ADAMTSL1: variants seen among roughly 807,000 people sequenced by gnomAD.
The protein encoded by ADAMTSL1 is ADAMTS like 1, also known as ADAMTS-like protein 1.
ADAMTSL1 carries 126 observed loss-of-function variants against 201.8 expected under a neutral mutation model. That is an observed-to-expected ratio of 0.62 (90% CI 0.54 to 0.72). ADAMTSL1 has a LOEUF of 0.72. Ranked by LOEUF, ADAMTSL1 falls within the 30% of genes least tolerant of loss-of-function variation. The pLI, the probability that ADAMTSL1 is intolerant of heterozygous loss-of-function variation, is 0.00. For missense variants in ADAMTSL1, 2,679 were observed against 2,277.8 expected, an observed-to-expected ratio of 1.18 and a Z score of -3.59; for synonymous variants, 1,121 against 903.4, an observed-to-expected ratio of 1.24 and a Z score of -4.32.
At chr9:18,032,841 A>T (rs899392369) in intron 1 of ADAMTSL1, among the ~76,000 whole-genome samples, 1 of 152,140 alleles carries the variant, frequency 6.6e-6, no homozygotes, top group African/African-American at 2.4e-5. Context: ...CATCCCTTCC[A>T]AAGGACCTGT....
At chr9:18,189,535 C>T (rs1828882947) in intron 2 of ADAMTSL1, among the ~76,000 whole-genome samples, 2 of 152,008 alleles carry the variant, frequency 1.3e-5, no homozygotes, top group African/African-American at 4.8e-5. Flanking sequence ...AGATTTAACG[C>T]CCTTTTCCAC....
Position 18,622,372 on chromosome 9 carries a change from A to G in ADAMTSL1, c.601+3A>G. On this transcript the variant is annotated splice_donor_region_variant and intron_variant, in intron 5 of 28. Coordinates refer to ENST00000380548, the MANE Select transcript of ADAMTSL1 (RefSeq NM_001040272.6). ...ATCCCAGCTCTCCGCAACCAAATGT[A>G]AGACACACAGAGATGGGCGACCTTT... 6.2e-7 allele frequency: 1 copy of G among 1,614,026 alleles called. No individual in the cohort carries two copies.
intron 4 of ADAMTSL1, among the ~76,000 whole-genome samples, chr9:18,589,474 G>A (rs764906129): frequency 1.6e-4 from 24 of 152,136 alleles, no homozygotes; most frequent in East Asian, 5.8e-4. Context: ...GAGTTTTGGG[G>A]GAAAATTCTG....
chr9:18,133,966 T>C (rs1294622465), intron 1 of ADAMTSL1, among the ~76,000 whole-genome samples: 2 of 152,128 alleles, frequency 1.3e-5, no homozygotes, highest in Non-Finnish European at 2.9e-5. Flanking sequence ...AAGGGTGGTA[T>C]GTTGGAATGT....
intron 2 of ADAMTSL1, among the ~76,000 whole-genome samples, chr9:18,367,523 C>T (rs1836822500): frequency 6.6e-6 from 1 of 151,832 alleles, no homozygotes; most frequent in Admixed American, 6.6e-5. Context: ...GTTTTTGAAT[C>T]TCTAATACTA....
intron 1 of ADAMTSL1, among the ~76,000 whole-genome samples, chr9:18,480,902 G>T (rs943754984): frequency 4.6e-5 from 7 of 152,116 alleles, no homozygotes; most frequent in Non-Finnish European, 7.4e-5. Context: ...AATGAGGAAA[G>T]AAAACCAAAG....
intron 16 of ADAMTSL1, among the ~76,000 whole-genome samples, chr9:18,754,672 T>C (rs1344797): frequency 0.69 from 104,296 of 152,026 alleles, 35,831 homozygotes; most frequent in East Asian, 0.76. Flanking sequence ...GCCCCTCCCT[T>C]CTCCTTGCTC....
At chr9:18,487,921 T>G (rs1430000487) in intron 1 of ADAMTSL1, among the ~76,000 whole-genome samples, 2 of 152,210 alleles carry the variant, frequency 1.3e-5, no homozygotes, top group Non-Finnish European at 2.9e-5. Context: ...TTTTTCTGAT[T>G]ATAGCAACTT....
intron 16 of ADAMTSL1, among the ~76,000 whole-genome samples, chr9:18,756,683 A>G (rs1161067275): frequency 1.3e-5 from 2 of 152,206 alleles, no homozygotes; most frequent in Non-Finnish European, 2.9e-5. Flanking sequence ...CCAATCCTTC[A>G]ACACCCAACC....
chr9:18,850,578 T>A (rs768626169), intron 23 of ADAMTSL1, among the ~76,000 whole-genome samples: 2 of 152,192 alleles, frequency 1.3e-5, no homozygotes, highest in African/African-American at 2.4e-5. Context: ...ACAGGGCACC[T>A]CAGTCAGAAA....
At chr9:18,512,452 T>C in intron 2 of ADAMTSL1, among the ~76,000 whole-genome samples, 1 of 151,916 alleles carries the variant, frequency 6.6e-6, no homozygotes, top group Admixed American at 6.6e-5. Flanking sequence ...AAAAAAAAAA[T>C]CCTTATGTGA....
At chr9:18,701,724 A>G (rs1831934217) in intron 13 of ADAMTSL1, among the ~76,000 whole-genome samples, 1 of 152,198 alleles carries the variant, frequency 6.6e-6, no homozygotes, top group African/African-American at 2.4e-5. Context: ...GACTTCCTGC[A>G]TGTTTCAATT....
chr9:18,603,189 T>C (rs1824771283), intron 4 of ADAMTSL1, among the ~76,000 whole-genome samples: 1 of 109,290 alleles, frequency 9.1e-6, no homozygotes, highest in Non-Finnish European at 2.1e-5. Context: ...CTTTGTTGAA[T>C]CCTTATAACA....
At chr9:18,143,473 G>C (rs1826491287) in intron 1 of ADAMTSL1, among the ~76,000 whole-genome samples, 1 of 151,324 alleles carries the variant, frequency 6.6e-6, no homozygotes, top group Non-Finnish European at 1.5e-5. Context: ...TTGCTTAGCA[G>C]CGAATATCAG....
intron 23 of ADAMTSL1, among the ~76,000 whole-genome samples, chr9:18,867,704 G>A (rs1827626777): frequency 6.6e-6 from 1 of 151,986 alleles, no homozygotes. Context: ...TCAGCTCACT[G>A]CAACCTCTGC....
intron 23 of ADAMTSL1, among the ~76,000 whole-genome samples, chr9:18,836,521 T>C (rs1825318111): frequency 6.6e-6 from 1 of 152,140 alleles, no homozygotes; most frequent in Admixed American, 6.6e-5. Flanking sequence ...TAGTTTGAAG[T>C]TGGGTGGCAT....
intron 1 of ADAMTSL1, among the ~76,000 whole-genome samples, chr9:18,065,350 T>G (rs955371110): frequency 7.9e-5 from 12 of 152,174 alleles, no homozygotes; most frequent in South Asian, 6.2e-4. Flanking sequence ...GTTTTCATCT[T>G]TAATAAGTGT....
intron 19 of ADAMTSL1, among the ~76,000 whole-genome samples, chr9:18,794,203 G>C (rs1205507760): frequency 9.9e-5 from 15 of 152,076 alleles, no homozygotes; most frequent in Admixed American, 9.8e-4. Flanking sequence ...GAGCCCAGGA[G>C]TTCAAGACCA....
chr9:17,929,380 C>T (rs1826685857), intron 1 of ADAMTSL1, among the ~76,000 whole-genome samples: 1 of 151,958 alleles, frequency 6.6e-6, no homozygotes, highest in African/African-American at 2.4e-5. Context: ...CTTTCGTATC[C>T]CTAAGAACCA....
Sources: gnomAD v4.1 joint callset for allele counts (sites outside exome capture counted in the v4.1 genomes callset) on GRCh38, gnomAD v4.1.1 for gene constraint, MANE v1.5 for transcripts, NCBI Gene and HGNC (gene_info 2026-07-23, HGNC 2026-07-21) for gene names.